The following EXOSC10 variants were observed in gnomAD, a reference collection of about 807,000 sequenced individuals.
EXOSC10 encodes the protein exosome complex component 10.
Under a neutral mutation model 126.6 loss-of-function variants are expected in EXOSC10, and 94 were observed. The observed-to-expected ratio is 0.74, with a 90% CI of 0.63 to 0.88. The LOEUF (loss-of-function observed/expected upper bound fraction) is 0.88, where lower values mean the gene tolerates loss of function less well. Ranked by LOEUF, EXOSC10 falls within the 40% of genes least tolerant of loss-of-function variation. The pLI is 0.00. For missense variants in EXOSC10, 1,041 were observed against 1,100.5 expected (o/e 0.95, Z 0.77); for synonymous variants, 395 against 400.8 (o/e 0.99, Z 0.17).
At chr1:11,080,598 AC>A in intron 12 of EXOSC10, 49 bp from the exon 13 acceptor site, 1 of 1,440,496 alleles carries the variant, frequency 6.9e-7, no homozygotes, top group Non-Finnish European at 9.2e-7. Flanking sequence ...ACACACACAC[AC>A]ACACACGGTG....
At position 11,068,062 on chromosome 1, in the gene EXOSC10, A is replaced by AT. The variant is rs1194058340; in HGVS notation, c.2572dup (p.Ile858AsnfsTer2). 1.2e-6 allele frequency: 2 copies of AT among 1,613,934 alleles called. No individual in the cohort carries two copies. Among genetic ancestry groups the AT allele is most frequent in the Non-Finnish European group, 1.7e-6 (2 of 1,179,932 alleles). ...GCTTTTGTTTCCCACCGACTGTTTA[A>AT]TTTTTTTGGCTGCAATGCATTTCTG... On this transcript the variant is annotated frameshift_variant, in exon 24 of 25. Transcript: ENST00000376936. LOFTEE classifies it high-confidence loss of function.
rs752005656 is a variant in EXOSC10 at position 11,091,578 on chromosome 1, G to A, written c.392C>T (p.Ala131Val). The A allele has an allele frequency of 1.2e-5, 19 of 1,614,002 alleles. No homozygotes were observed. The South Asian group carries it at 2.0e-4, about 17-fold the overall frequency. The stretch of plus-strand genomic sequence containing the variant: ...CTGTTGATTCTTGTTTACACCTGAG[G>A]CTTCATCCAGTAAAATACCCTAAGA... ...LERVGILLDE[A>V]SGVNKNQQPV... is the part of the protein sequence containing the mutation. Residue 131 changes from alanine to valine, a missense_variant, in exon 4 of 25, where the codon GCC (alanine) becomes GTC (valine). Transcript: ENST00000376936.
chr1:11,091,647 A>G (rs955216967), intron 3 of EXOSC10, 50 bp from the exon 4 acceptor site: 2 of 1,339,302 alleles, frequency 1.5e-6, no homozygotes, highest in African/African-American at 2.9e-5. Flanking sequence ...TGAGGTTAGC[A>G]GAGTTAACTA....
chr1:11,086,361 T>A (rs970508507), intron 9 of EXOSC10, among the ~76,000 whole-genome samples: 4 of 152,232 alleles, frequency 2.6e-5, no homozygotes, highest in African/African-American at 9.6e-5. Flanking sequence ...AGAGTGTATG[T>A]GTCGAGGAAT....
Position 11,087,853 on chromosome 1 carries a change from C to T in EXOSC10, c.892G>A (p.Val298Met), listed in dbSNP as rs1176642616. The change falls in exon 8 of 25, where the codon GTG becomes ATG. Residue 298 changes from valine to methionine, a missense_variant. Coordinates refer to ENST00000376936, the MANE Select transcript of EXOSC10 (RefSeq NM_001001998.3). ...CHFISSLDELVELNEKLLNCQ... is the reference protein window; with the variant it reads ...CHFISSLDELMELNEKLLNCQ... ...TTCAAGAGCTTTTCGTTGAGTTCCACGAGTTCATCCAGGGAGGATATGAAA... is the reference window on the plus strand; with the variant it reads ...TTCAAGAGCTTTTCGTTGAGTTCCATGAGTTCATCCAGGGAGGATATGAAA... 4 of 1,613,812 alleles carry T rather than the reference C, an allele frequency of 2.5e-6. No individual in the cohort carries two copies. Among genetic ancestry groups the T allele is most frequent in the Admixed American group, 1.7e-5 (1 of 59,952 alleles).
intron 9 of EXOSC10, among the ~76,000 whole-genome samples, chr1:11,086,333 TTCTG>T (rs1183182653): frequency 2.0e-5 from 3 of 152,240 alleles, no homozygotes; most frequent in Non-Finnish European, 4.4e-5. Context: ...TTCAATTTCT[TTCTG>T]GTTTAGTCTT....
chr1:11,085,094 T>C (rs1024373101), intron 9 of EXOSC10, among the ~76,000 whole-genome samples: 6 of 152,226 alleles, frequency 3.9e-5, no homozygotes, highest in Admixed American at 1.3e-4. Context: ...TGGCTTAGGA[T>C]TGACTTGGCG....
Position 11,076,872 on chromosome 1 carries a change from C to G in EXOSC10, c.1956G>C (p.Leu652=), listed in dbSNP as rs1639845241. Residue 652 remains leucine (L), a synonymous_variant, in exon 17 of 25, where the codon CTG becomes CTC. Transcript: ENST00000376936. The part of the protein sequence containing the change: ...KEDNLLGTTC[L]IATAVITLFN... The stretch of plus-strand genomic sequence containing the variant: ...ATAACGTGATGACAGCTGTGGCAAT[C>G]AGGCATGTGGTACCCAGCAAGTTAT... 3.7e-6 allele frequency: 6 copies of G among 1,613,740 alleles called. No individual in the cohort carries two copies. Among genetic ancestry groups the G allele is most frequent in the Non-Finnish European group, 5.1e-6 (6 of 1,179,990 alleles).
intron 7 of EXOSC10, 38 bp from the exon 8 acceptor site, chr1:11,087,948 A>G (rs374994185): frequency 7.3e-7 from 1 of 1,368,624 alleles, no homozygotes; most frequent in East Asian, 2.3e-5. Context: ...GGAGGAATAT[A>G]GAAATCATCC....
At chr1:11,091,728 G>T in intron 3 of EXOSC10, 131 bp from the exon 4 acceptor site, 1 of 619,838 alleles carries the variant, frequency 1.6e-6, no homozygotes, top group Non-Finnish European at 2.8e-6. Flanking sequence ...GCGCAATCTT[G>T]CCTCACTGCA....
intron 6 of EXOSC10, 109 bp downstream of exon 6, chr1:11,090,445 G>A: frequency 1.1e-6 from 1 of 889,874 alleles, no homozygotes; most frequent in Admixed American, 2.1e-5. Context: ...GGTGTAAGGA[G>A]GAAATCACTA....
chr1:11,091,112 C>T lies in EXOSC10; in HGVS notation c.545G>A (p.Arg182Gln), dbSNP rs752667734. 52 of 1,613,962 alleles carry T rather than the reference C, an allele frequency of 3.2e-5. No individual in the cohort carries two copies. The highest frequency in any genetic ancestry group is 4.1e-5 in the Non-Finnish European group (48 of 1,180,022). Residue 182 changes from arginine (R) to glutamine (Q), a missense_variant, in exon 5 of 25, where the codon CGA (arginine) becomes CAA (glutamine). Arg to Gln is a conservative substitution (Grantham distance 43, BLOSUM62 1). Coordinates refer to ENST00000376936, the MANE Select transcript of EXOSC10 (RefSeq NM_001001998.3). ...FRLLHAKNII[R>Q]PQLKFREKID... is the part of the protein sequence containing the mutation. ...CTTCTCTCGAAACTTGAGCTGAGGT[C>T]GGATGATATTTTTTGCATGAAGCAG...
intron 24 of EXOSC10, among the ~76,000 whole-genome samples, chr1:11,067,441 A>G (rs1570776971): frequency 6.6e-6 from 1 of 150,766 alleles, no homozygotes; most frequent in Middle Eastern, 3.4e-3. Context: ...CAAAGAAGAA[A>G]AAAAAAAAAA....
chr1:11,097,407 C>G (rs1387755667), intron 2 of EXOSC10, among the ~76,000 whole-genome samples: 2 of 148,430 alleles, frequency 1.3e-5, no homozygotes, highest in South Asian at 4.2e-4. Flanking sequence ...ATAAAAATAC[C>G]TGCTACTCTA....
intron 3 of EXOSC10, among the ~76,000 whole-genome samples, chr1:11,094,397 C>T (rs765522188): frequency 9.9e-5 from 15 of 151,340 alleles, no homozygotes; most frequent in Admixed American, 2.6e-4. Flanking sequence ...CGAGTTCAAG[C>T]GATTCTCCTG....
In EXOSC10 at chr1:11,080,870, G is replaced by C; in HGVS notation, c.1480C>G (p.Leu494Val). Residue 494 changes from leucine to valine, a missense_variant, in exon 12 of 25, where the codon CTC becomes GTC. Physicochemically the swap from Leu to Val is conservative, Grantham distance 32. This residue lies in a region of EXOSC10 where 645 missense variants were observed against 656.3 expected (regional missense o/e 0.98). Transcript: ENST00000376936. ...AGGTGCTTCTTCTGCTTCCTATAGA[G>C]TTCAAGGTAGGACTCATCCGTGAAG... ...PIFTDESYLE[L>V]YRKQKKHLNT... is the part of the protein sequence containing the mutation. 1 of 1,613,694 alleles carries C rather than the reference G, an allele frequency of 6.2e-7. No homozygotes were observed. Among genetic ancestry groups the C allele is most frequent in the Non-Finnish European group, 8.5e-7 (1 of 1,179,902 alleles).
intron 19 of EXOSC10, 69 bp from the exon 20 acceptor site, chr1:11,072,240 A>G (rs1639546762): frequency 8.4e-7 from 1 of 1,187,008 alleles, no homozygotes; most frequent in African/African-American, 1.5e-5. Context: ...CTTACTTTTC[A>G]TGAGGTGACG....
In EXOSC10 at chr1:11,092,355, C is replaced by T. The variant is rs187378948; in HGVS notation, c.373-758G>A. Among the ~76,000 whole-genome samples the T allele has an allele frequency of 5.3e-5, 8 of 152,208 alleles. No homozygotes were observed. The East Asian group carries it at 9.7e-4, about 18-fold the overall frequency. On this transcript the variant is annotated intron_variant, in intron 3 of 24. Coordinates refer to ENST00000376936, the MANE Select transcript of EXOSC10 (RefSeq NM_001001998.3). ...TCAGCCTCCCAAGTAATTGGGACTACAGGCATGCACCACCACGCCCAGCTA... is the reference window on the plus strand; with the variant it reads ...TCAGCCTCCCAAGTAATTGGGACTATAGGCATGCACCACCACGCCCAGCTA...
chr1:11,091,007 T>A lies in EXOSC10; in HGVS notation c.643+7A>T. On this transcript the variant is annotated splice_region_variant and intron_variant, in intron 5 of 24. Coordinates refer to ENST00000376936, the MANE Select transcript of EXOSC10 (RefSeq NM_001001998.3). ...ACTCAAACACAGGCAAAGTATGCAC[T>A]ATTTACCTTGAGGGAGAGGTTTCTG... 6.2e-7 allele frequency: 1 copy of A among 1,613,540 alleles called. No individual in the cohort carries two copies. Among genetic ancestry groups the A allele is most frequent in the Non-Finnish European group, 8.5e-7 (1 of 1,179,726 alleles).
Sources: allele counts gnomAD v4.1 joint callset (sites outside exome capture counted in the v4.1 genomes callset), GRCh38; gene constraint gnomAD v4.1.1; regional missense constraint gnomAD v4.1.1; transcripts MANE v1.5; gene names NCBI Gene and HGNC (gene_info 2026-07-23, HGNC 2026-07-21).